The following TMEM80 variants were observed in gnomAD, a reference collection of about 807,000 sequenced individuals.
TMEM80 encodes the protein transmembrane protein 80.
TMEM80 carries 16 observed loss-of-function variants against 13.6 expected under a neutral mutation model. The observed-to-expected ratio is 1.17, with a 90% CI of 0.79 to 1.78. The LOEUF (loss-of-function observed/expected upper bound fraction) is 1.78, where lower values mean the gene tolerates loss of function less well. TMEM80 is among the 40% of genes most tolerant of loss of function. The probability of loss-of-function intolerance (pLI) is 0.00; values close to 1 mark genes in which losing one functional copy is unlikely to be tolerated. For missense variants in TMEM80, 167 were observed against 184.6 expected, an observed-to-expected ratio of 0.90 and a Z score of 0.55; for synonymous variants, 92 against 89.5, an observed-to-expected ratio of 1.03 and a Z score of -0.16.
In TMEM80 at chr11:703,411, C is replaced by T. The variant is rs535503557; in HGVS notation, c.*261C>T. The T allele has an allele frequency of 6.2e-5, 83 of 1,332,374 alleles. No homozygotes were observed. The highest frequency in any genetic ancestry group is 2.6e-4 in the East Asian group (9 of 34,422). 82.5% of individuals were successfully genotyped at this position (1,332,374 alleles called of 1,614,324 possible). A position where few individuals can be genotyped will look rare whatever the true frequency, so the allele number is the denominator to read the frequency against. ...CTGCCTTCAAGATGAGTCCCAGGAGCGCACACTCAGCCCTGTCAGTGGGGT... is the reference window on the plus strand; with the variant it reads ...CTGCCTTCAAGATGAGTCCCAGGAGTGCACACTCAGCCCTGTCAGTGGGGT... On this transcript the variant is annotated 3_prime_UTR_variant, in exon 5 of 5. Coordinates refer to ENST00000397510, the MANE Select transcript of TMEM80 (RefSeq NM_001042463.3).
intron 1 of TMEM80, among the ~76,000 whole-genome samples, chr11:698,653 A>C (rs1861307221): frequency 6.6e-6 from 1 of 152,026 alleles, no homozygotes. Context: ...CTCCAGCCTC[A>C]GGTTCTGAAA....
chr11:701,895 C>T (rs1367015546), intron 4 of TMEM80, among the ~76,000 whole-genome samples: 1 of 152,224 alleles, frequency 6.6e-6, no homozygotes, highest in African/African-American at 2.4e-5. Flanking sequence ...TCGCCCTCCC[C>T]AGAGCTCACC....
intron 4 of TMEM80, among the ~76,000 whole-genome samples, chr11:701,571 C>T (rs1029983243): frequency 2.0e-5 from 3 of 151,998 alleles, no homozygotes; most frequent in Non-Finnish European, 4.4e-5. Flanking sequence ...CCACCACGCC[C>T]GGCTCATTTT....
downstream of TMEM80, chr11:704,925 G>C (rs1861650885): frequency 2.9e-6 from 1 of 348,628 alleles, no homozygotes; most frequent in Non-Finnish European, 5.6e-6. Context: ...GGTGCACCGA[G>C]GGGTTGGCGT....
Position 703,288 on chromosome 11 carries a change from C to T in TMEM80, c.*138C>T. ...CATAGATGGTTTTGGATGGTTCCAT[C>T]TGTTCTGGCAGGAGTGGGAGCAGGA... On this transcript the variant is annotated 3_prime_UTR_variant, in exon 5 of 5. Coordinates refer to ENST00000397510, the MANE Select transcript of TMEM80 (RefSeq NM_001042463.3). 3 of 1,437,864 alleles carry T rather than the reference C, an allele frequency of 2.1e-6. No individual in the cohort carries two copies. The highest frequency in any genetic ancestry group is 1.8e-6 in the Non-Finnish European group (2 of 1,091,164). The allele number at this position is 1,437,864 out of a possible 1,614,324, so 89.1% of individuals were successfully genotyped here. A position where few individuals can be genotyped will look rare whatever the true frequency, so the allele number is the denominator to read the frequency against.
rs750407388 is a variant in TMEM80 at position 700,603 on chromosome 11, T to A, written c.134-12T>A. The A allele has an allele frequency of 6.2e-7, 1 of 1,612,528 alleles. No individual in the cohort carries two copies. The highest frequency in any genetic ancestry group is 1.1e-5 in the South Asian group (1 of 91,030). ...AGGTTACTTATGTTCCGTCCGCGCC[T>A]CTGCTCTTCAGGTCAGGTGTTCAGC... On this transcript the variant is annotated splice_polypyrimidine_tract_variant and intron_variant, in intron 3 of 4. Transcript: ENST00000397510.
rs560238317 is a variant in TMEM80, at chr11:703,815, G to T, written c.*665G>T. 8.1e-6 allele frequency: 10 copies of T among 1,233,666 alleles called. No homozygotes were observed. The highest frequency in any genetic ancestry group is 9.1e-6 in the Non-Finnish European group (9 of 989,542). 76.4% of individuals were successfully genotyped at this position (1,233,666 alleles called of 1,614,324 possible). On this transcript the variant is annotated 3_prime_UTR_variant, in exon 5 of 5. Transcript: ENST00000397510. ...CTCCCTTCAGGGGCTTCGGAGGAGA[G>T]GTCAGGGCTAAGGCCGGGGATGAGA...
intron 4 of TMEM80, among the ~76,000 whole-genome samples, chr11:701,477 C>G (rs1861473852): frequency 7.7e-6 from 1 of 130,234 alleles, no homozygotes; most frequent in African/African-American, 2.9e-5. Context: ...GTGGCGTGAA[C>G]TTGGCTCACT....
chr11:701,887 G>A (rs886417796), intron 4 of TMEM80, among the ~76,000 whole-genome samples: 1 of 152,128 alleles, frequency 6.6e-6, no homozygotes, highest in African/African-American at 2.4e-5. Flanking sequence ...ATGGAAATTC[G>A]CCCTCCCCAG....
Position 703,856 on chromosome 11 carries a change from C to A in TMEM80, c.*706C>A. 8.1e-7 allele frequency: 1 copy of A among 1,236,402 alleles called. No individual in the cohort carries two copies. Among genetic ancestry groups the A allele is most frequent in the Non-Finnish European group, 1.0e-6 (1 of 991,272 alleles). The allele number at this position is 1,236,402 out of a possible 1,614,324, so 76.6% of individuals were successfully genotyped here. A position where few individuals can be genotyped will look rare whatever the true frequency, so the allele number is the denominator to read the frequency against. On this transcript the variant is annotated 3_prime_UTR_variant, in exon 5 of 5. Coordinates refer to ENST00000397510, the MANE Select transcript of TMEM80 (RefSeq NM_001042463.3). ...GGGGATGAGACTGCAGGAGAGAGAG[C>A]AGCGGAGGGCCACATTCGGAGCCTC...
Position 700,243 on chromosome 11 carries a change from A to G in TMEM80, c.133+8A>G. On this transcript the variant is annotated splice_region_variant and intron_variant, in intron 3 of 4. Transcript: ENST00000397510. ...TGATGATCACGTATAAAAGTAAGTC[A>G]GGGACGGGCACAGTGGCTCACGCCT... is the stretch of plus-strand genomic sequence containing the variant. 2 of 1,611,900 alleles carry G rather than the reference A, an allele frequency of 1.2e-6. No homozygotes were observed. The highest frequency in any genetic ancestry group is 1.7e-6 in the Non-Finnish European group (2 of 1,178,874).
Position 703,083 on chromosome 11 carries a change from C to T in TMEM80, c.365C>T (p.Thr122Met), listed in dbSNP as rs143254467. Reference protein sequence around the residue: ...VLWADWALSATLLALHGLEAV... With the variant: ...VLWADWALSAMLLALHGLEAV... ...TGGGCGGACTGGGCCCTCAGCGCCA[C>T]GCTCCTGGCCCTTCACGGCCTGGAG... The change falls in exon 5 of 5, where the codon ACG becomes ATG. Residue 122 changes from threonine (T) to methionine (M), a missense_variant. Thr to Met is a moderately conservative substitution (Grantham distance 81). Coordinates refer to ENST00000397510, the MANE Select transcript of TMEM80 (RefSeq NM_001042463.3). The T allele has an allele frequency of 4.2e-5, 68 of 1,612,216 alleles. No individual in the cohort carries two copies. The highest frequency in any genetic ancestry group is 7.7e-5 in the South Asian group (7 of 91,008).
In TMEM80 at chr11:703,444, T is replaced by C; in HGVS notation, c.*294T>C. 1 of 1,281,752 alleles carries C rather than the reference T, an allele frequency of 7.8e-7. No homozygotes were observed. The highest frequency in any genetic ancestry group is 9.8e-7 in the Non-Finnish European group (1 of 1,017,214). The allele number at this position is 1,281,752 out of a possible 1,614,324, so 79.4% of individuals were successfully genotyped here. On this transcript the variant is annotated 3_prime_UTR_variant, in exon 5 of 5. Transcript: ENST00000397510. Reference sequence around the variant, plus strand: ...CAGCCCTGTCAGTGGGGTCTGGCTTTAGCAGCCAGGCCTCCACAGACCCCC... The same window carrying C: ...CAGCCCTGTCAGTGGGGTCTGGCTTCAGCAGCCAGGCCTCCACAGACCCCC...
At chr11:701,566 A>T (rs1468361851) in intron 4 of TMEM80, among the ~76,000 whole-genome samples, 3 of 151,930 alleles carry the variant, frequency 2.0e-5, no homozygotes, top group Non-Finnish European at 4.4e-5. Context: ...GCCCGCCACC[A>T]CGCCCGGCTC....
At position 703,492 on chromosome 11, in the gene TMEM80, G is replaced by A. The variant is rs1433728325; in HGVS notation, c.*342G>A. On this transcript the variant is annotated 3_prime_UTR_variant, in exon 5 of 5. Coordinates refer to ENST00000397510, the MANE Select transcript of TMEM80 (RefSeq NM_001042463.3). Reference sequence around the variant, plus strand: ...CCCATGGGCCCCCAGGGCCGAGAGGGAGGACAGAGCCCTTCAGAACAGAGG... The same window carrying A: ...CCCATGGGCCCCCAGGGCCGAGAGGAAGGACAGAGCCCTTCAGAACAGAGG... 3 of 1,257,026 alleles carry A rather than the reference G, an allele frequency of 2.4e-6. No homozygotes were observed. The highest frequency in any genetic ancestry group is 3.0e-6 in the Non-Finnish European group (3 of 1,002,922). The allele number at this position is 1,257,026 out of a possible 1,614,324, so 77.9% of individuals were successfully genotyped here.
intron 4 of TMEM80, among the ~76,000 whole-genome samples, chr11:701,961 T>C (rs1861518063): frequency 6.6e-6 from 1 of 152,174 alleles, no homozygotes; most frequent in Non-Finnish European, 1.5e-5. Context: ...GGTCGTAACA[T>C]GTGCACCTAA....
intron 4 of TMEM80, 119 bp downstream of exon 4, chr11:700,826 C>A: frequency 1.0e-6 from 1 of 960,032 alleles, no homozygotes; most frequent in Non-Finnish European, 1.7e-6. Context: ...ATCCAAACTG[C>A]TTACCCAGTT....
At chr11:699,609 A>G (rs1244748097) in intron 2 of TMEM80, 1 of 155,080 alleles carries the variant, frequency 6.4e-6, no homozygotes, top group Non-Finnish European at 1.4e-5. Flanking sequence ...TTAGCTGGGC[A>G]TGGTTTTGCA....
intron 4 of TMEM80, among the ~76,000 whole-genome samples, 197 bp from the exon 5 acceptor site, chr11:702,748 C>T (rs1023725253): frequency 1.3e-5 from 2 of 152,250 alleles, no homozygotes; most frequent in Admixed American, 1.3e-4. Context: ...GAGGGGCTCA[C>T]GCCTGTGTTG....
Sources: gnomAD v4.1 joint callset for allele counts (sites outside exome capture counted in the v4.1 genomes callset) on GRCh38, gnomAD v4.1.1 for gene constraint, MANE v1.5 for transcripts, NCBI Gene and HGNC (gene_info 2026-07-23, HGNC 2026-07-21) for gene names.